The following ENPP7 variants were observed in gnomAD, a reference collection of about 807,000 sequenced individuals.
ENPP7 encodes the protein ectonucleotide pyrophosphatase/phosphodiesterase 7, also known as ectonucleotide pyrophosphatase/phosphodiesterase family member 7.
Under a neutral mutation model 33.6 loss-of-function variants are expected in ENPP7, and 39 were observed. The ratio of observed to expected loss-of-function variants is 1.16; its 90% CI spans 0.90 to 1.52. The LOEUF is 1.52. ENPP7 is among the 40% of genes most tolerant of loss of function. ENPP7 has a pLI of 0.00. For missense variants in ENPP7, 594 were observed against 641.0 expected (o/e 0.93, Z 0.79); for synonymous variants, 244 against 274.3 (o/e 0.89, Z 1.09).
chr17:79,737,173 G>A lies in ENPP7; in HGVS notation c.1159G>A (p.Val387Met), dbSNP rs376721219. The A allele has an allele frequency of 1.3e-5, 21 of 1,613,642 alleles. 1 individual carries two copies. Among genetic ancestry groups the A allele is most frequent in the Middle Eastern group, 3.3e-4 (2 of 6,084 alleles). ...GGTGGAGCCCTTTGAGAGCGTCCAC[G>A]TGTACGAGCTCATGTGCCGGCTGCT... Reference protein sequence around the residue: ...LEVEPFESVHVYELMCRLLGI... With the variant: ...LEVEPFESVHMYELMCRLLGI... The change falls in exon 4 of 6, where the codon GTG (valine) becomes ATG (methionine). Residue 387 changes from valine (V) to methionine (M), a missense_variant. This residue lies in a region of ENPP7 where 504 missense variants were observed against 512.8 expected (regional missense o/e 0.98). Transcript: ENST00000328313. The surrounding 1 kb of genome is among the most constrained non-coding windows in gnomAD (Gnocchi z 5.5).
Position 79,737,405 on chromosome 17 carries a change from C to T in ENPP7, c.1246+145C>T, listed in dbSNP as rs782013607. 1.5e-6 allele frequency: 1 copy of T among 672,322 alleles called. No individual in the cohort carries two copies. The highest frequency in any genetic ancestry group is 2.6e-6 in the Non-Finnish European group (1 of 387,380). 41.6% of individuals were successfully genotyped at this position (672,322 alleles called of 1,614,324 possible). ...CTTTGGAGAACACCAGAATCTCTCA[C>T]ATTCCCACAACACGTGACCTCTCAC... On this transcript the variant is annotated intron_variant, in intron 4 of 5. Coordinates refer to ENST00000328313, the MANE Select transcript of ENPP7 (RefSeq NM_178543.5). This position sits in a 1 kb window ranked among gnomAD's most constrained non-coding sequence, Gnocchi z 5.5.
At chr17:79,733,446 G>A (rs2094289828) in intron 1 of ENPP7, 62 bp from the exon 2 acceptor site, 1 of 1,559,624 alleles carries the variant, frequency 6.4e-7, no homozygotes, top group South Asian at 1.2e-5. Context: ...TCCAGCCCTG[G>A]GTCCGGCCTT....
At chr17:79,731,856 G>A (rs1214504719) in intron 1 of ENPP7, among the ~76,000 whole-genome samples, 11 of 152,158 alleles carry the variant, frequency 7.2e-5, no homozygotes, top group African/African-American at 2.7e-4. Context: ...CCAGCACTTT[G>A]AGAGGCTGAG....
At chr17:79,731,794 G>A (rs1395807537) in intron 1 of ENPP7, among the ~76,000 whole-genome samples, 1 of 152,092 alleles carries the variant, frequency 6.6e-6, no homozygotes, top group Non-Finnish European at 1.5e-5. Context: ...ACAGACATAG[G>A]TTTTTAAAAA....
rs1370309677 is a variant in ENPP7, at chr17:79,735,900, T to C, written c.1026+231T>C. On this transcript the variant is annotated intron_variant, in intron 3 of 5. Transcript: ENST00000328313. The surrounding 1 kb of genome is among the most constrained non-coding windows in gnomAD (Gnocchi z 5.5). ...CCACCATGCCTGGCTAATTTTTGTG[T>C]GTGTTTTGTTTTGTTTTGTTTCATT... Among the ~76,000 whole-genome samples, 1 of 151,536 alleles carries C rather than the reference T, an allele frequency of 6.6e-6. No individual in the cohort carries two copies. The highest frequency in any genetic ancestry group is 2.4e-5 in the African/African-American group (1 of 41,276).
chr17:79,732,125 T>TATATATATACACATATATACACAC (rs2094287078), intron 1 of ENPP7, among the ~76,000 whole-genome samples: 1 of 38,696 alleles, frequency 2.6e-5, no homozygotes, highest in African/African-American at 1.3e-4. Flanking sequence ...TATATACATA[T>TATATATATACACATATATACACAC]ATATATGTAT....
In ENPP7 at chr17:79,738,254, T is replaced by C. The variant is rs2094299635; in HGVS notation, c.*16+192T>C. On this transcript the variant is annotated intron_variant, in intron 5 of 5. Coordinates refer to ENST00000328313, the MANE Select transcript of ENPP7 (RefSeq NM_178543.5). The surrounding 1 kb of genome is among the most constrained non-coding windows in gnomAD (Gnocchi z 6.2). The stretch of plus-strand genomic sequence containing the variant: ...TCCCGAGGCTGACCCTTCCAGCCTC[T>C]CTGCTCTGGGCTTGGAGGAGGTCTT... 3 of 587,332 alleles carry C rather than the reference T, an allele frequency of 5.1e-6. No individual in the cohort carries two copies. The highest frequency in any genetic ancestry group is 4.0e-5 in the South Asian group (2 of 49,608). 36.4% of individuals were successfully genotyped at this position (587,332 alleles called of 1,614,324 possible).
At chr17:79,736,782 C>G (rs1244544876) in intron 3 of ENPP7, among the ~76,000 whole-genome samples, 2 of 152,228 alleles carry the variant, frequency 1.3e-5, no homozygotes, top group Non-Finnish European at 1.5e-5. Flanking sequence ...CGGCAGGCCC[C>G]GAAGCCTGGA....
rs193920826 is a variant in ENPP7, at chr17:79,731,207, C to T, written c.68C>T (p.Pro23Leu). The T allele has an allele frequency of 9.9e-6, 16 of 1,612,106 alleles. No individual in the cohort carries two copies. The highest frequency in any genetic ancestry group is 6.7e-5 in the African/African-American group (5 of 74,894). ...ATLLAPGAGA[P>L]VQSQGSQNKL... is the part of the protein sequence containing the mutation. Reference sequence around the variant, plus strand: ...CTCCTGGCTCCCGGGGCCGGAGCACCGGTACAAAGTCAGGGCTCCCAGAAC... The same window carrying T: ...CTCCTGGCTCCCGGGGCCGGAGCACTGGTACAAAGTCAGGGCTCCCAGAAC... The change falls in exon 1 of 6, where the codon CCG becomes CTG. Residue 23 changes from proline (P) to leucine (L), a missense_variant. This residue lies in a region of ENPP7 where 85 missense variants were observed against 111.3 expected (regional missense o/e 0.76). Coordinates refer to ENST00000328313, the MANE Select transcript of ENPP7 (RefSeq NM_178543.5).
intron 2 of ENPP7, among the ~76,000 whole-genome samples, chr17:79,734,479 ATTTT>A (rs5822293): frequency 7.1e-6 from 1 of 140,028 alleles, no homozygotes. Flanking sequence ...ATCTGGGAAC[ATTTT>A]TTTTTTTTTT....
intron 1 of ENPP7, 132 bp from the exon 2 acceptor site, chr17:79,733,376 C>T: frequency 1.1e-6 from 1 of 925,162 alleles, no homozygotes; most frequent in South Asian, 1.5e-5. Context: ...CCCAGCCCTG[C>T]CCCAGGCCCA....
Position 79,735,398 on chromosome 17 carries a change from T to C in ENPP7, c.755T>C (p.Val252Ala). 6.2e-7 allele frequency: 1 copy of C among 1,613,986 alleles called. No individual in the cohort carries two copies. Among genetic ancestry groups the C allele is most frequent in the Non-Finnish European group, 8.5e-7 (1 of 1,180,016 alleles). The change falls in exon 3 of 6, where the codon GTG becomes GCG. Residue 252 changes from valine to alanine, a missense_variant. Around this residue, in one of 3 missense-constraint regions of ENPP7, gnomAD observed 504 missense variants for 512.8 expected, o/e 0.98. Transcript: ENST00000328313. The surrounding 1 kb of genome is among the most constrained non-coding windows in gnomAD (Gnocchi z 5.5). ...IITSDHGMTT[V>A]DKRAGDLVEF... ...ACATCCGACCACGGCATGACGACCG[T>C]GGACAAACGGGCTGGCGACCTGGTT...
In ENPP7 at chr17:79,731,237, TG is replaced by T. The variant is rs2094284651; in HGVS notation, c.99del (p.Leu34SerfsTer29). On this transcript the variant is annotated frameshift_variant, in exon 1 of 6. Coordinates refer to ENST00000328313, the MANE Select transcript of ENPP7 (RefSeq NM_178543.5). LOFTEE classifies it high-confidence loss of function. ...PVQSQGSQNKLLLVSFDGFRW... is the reference protein window; with the variant it reads ...PVQSQGSQNKXLLVSFDGFRW... ...CAAAGTCAGGGCTCCCAGAACAAGC[TG>T]CTCCTGGTGTCCTTCGACGGCTTCC... The T allele has an allele frequency of 6.2e-7, 1 of 1,613,234 alleles. No individual in the cohort carries two copies. The highest frequency in any genetic ancestry group is 1.3e-5 in the African/African-American group (1 of 74,914).
In ENPP7 at chr17:79,737,380, C is replaced by A; in HGVS notation, c.1246+120C>A. On this transcript the variant is annotated intron_variant, in intron 4 of 5. Transcript: ENST00000328313. The surrounding 1 kb of genome is among the most constrained non-coding windows in gnomAD (Gnocchi z 5.5). ...CCCCAAGTGGGGCCACCTCCCCTGG[C>A]TTTGGAGAACACCAGAATCTCTCAC... The A allele has an allele frequency of 1.3e-6, 1 of 743,230 alleles. No homozygotes were observed. 46.0% of individuals were successfully genotyped at this position (743,230 alleles called of 1,614,324 possible).
chr17:79,734,238 G>A (rs1295355905), intron 2 of ENPP7, among the ~76,000 whole-genome samples: 12 of 148,678 alleles, frequency 8.1e-5, no homozygotes, highest in Admixed American at 2.0e-4. Context: ...CCAAGATGAC[G>A]CTGGAATAAA....
chr17:79,731,126 C>G lies in ENPP7; in HGVS notation c.-14C>G. The G allele has an allele frequency of 6.2e-7, 1 of 1,601,542 alleles. No homozygotes were observed. Among genetic ancestry groups the G allele is most frequent in the African/African-American group, 1.3e-5 (1 of 74,918 alleles). ...CTGTGCACCCTGTGTGCCTGTCCAT[C>G]TGGAAGGCCCAGCATGAGAGGCCCG... On this transcript the variant is annotated 5_prime_UTR_variant, in exon 1 of 6. The change creates a new upstream start codon in the 5' untranslated region. Transcript: ENST00000328313.
At chr17:79,734,210 CAA>C (rs1271921303) in intron 2 of ENPP7, among the ~76,000 whole-genome samples, 1 of 119,330 alleles carries the variant, frequency 8.4e-6, no homozygotes, top group Non-Finnish European at 1.6e-5. Context: ...TTCCAGTAAA[CAA>C]AGTCAGTGGA....
At position 79,741,603 on chromosome 17, in the gene ENPP7, T is replaced by C. The variant is rs370300389; in HGVS notation, c.*17-191T>C. Reference sequence around the variant, plus strand: ...TCCCAGGAATCCCTACACAGGCCCTTCTCAGCGCAGCCTGGTAGGGCCGCC... The same window carrying C: ...TCCCAGGAATCCCTACACAGGCCCTCCTCAGCGCAGCCTGGTAGGGCCGCC... On this transcript the variant is annotated intron_variant, in intron 5 of 5. Coordinates refer to ENST00000328313, the MANE Select transcript of ENPP7 (RefSeq NM_178543.5). 4.2e-3 allele frequency among the ~76,000 whole-genome samples: 633 copies of C among 151,096 alleles called. 4 individuals carry two copies. The highest frequency in any genetic ancestry group is 0.014 in the African/African-American group (583 of 41,006).
In ENPP7 at chr17:79,730,996, C is replaced by T; in HGVS notation, c.-144C>T. 1.1e-6 allele frequency: 1 copy of T among 881,126 alleles called. No homozygotes were observed. Among genetic ancestry groups the T allele is most frequent in the Non-Finnish European group, 1.7e-6 (1 of 594,286 alleles). The allele number at this position is 881,126 out of a possible 1,614,324, so 54.6% of individuals were successfully genotyped here. A position where few individuals can be genotyped will look rare whatever the true frequency, so the allele number is the denominator to read the frequency against. Reference sequence around the variant, plus strand: ...CACTGACACGGCTGGGGAGCCCACTCCCGAGGTTCGACCCGGGGATGTGCA... The same window carrying T: ...CACTGACACGGCTGGGGAGCCCACTTCCGAGGTTCGACCCGGGGATGTGCA... On this transcript the variant is annotated 5_prime_UTR_variant, in exon 1 of 6. Coordinates refer to ENST00000328313, the MANE Select transcript of ENPP7 (RefSeq NM_178543.5).
Sources: allele counts gnomAD v4.1 joint callset (sites outside exome capture counted in the v4.1 genomes callset), GRCh38; gene constraint gnomAD v4.1.1; regional missense constraint gnomAD v4.1.1; non-coding constraint Gnocchi (gnomAD v3.1); transcripts MANE v1.5; gene names NCBI Gene and HGNC (gene_info 2026-07-23, HGNC 2026-07-21).